THNSL1: variants seen among roughly 807,000 people sequenced by gnomAD.
The protein encoded by THNSL1 is threonine synthase like 1.
THNSL1 carries 48 observed loss-of-function variants against 50.4 expected under a neutral mutation model. The observed-to-expected ratio is 0.95, with a 90% confidence interval of 0.76 to 1.21. The LOEUF is 1.21. THNSL1 is among the 50% of genes most tolerant of loss of function. The probability of loss-of-function intolerance (pLI) is 0.00; values close to 1 mark genes in which losing one functional copy is unlikely to be tolerated. For missense variants in THNSL1, 896 were observed against 871.7 expected (o/e 1.03, Z -0.35); for synonymous variants, 309 against 306.1 (o/e 1.01, Z -0.10).
chr10:25,016,588 G>A (rs1564345749), upstream of THNSL1: 1 of 152,356 alleles, frequency 6.6e-6, no homozygotes, highest in Non-Finnish European at 1.5e-5. Flanking sequence ...CACGTGCCCT[G>A]CGCGAGGCCG....
chr10:25,023,292 T>TA lies in THNSL1; in HGVS notation c.73dup (p.Thr25AsnfsTer3). 6.2e-7 allele frequency: 1 copy of TA among 1,614,140 alleles called. No individual in the cohort carries two copies. The highest frequency in any genetic ancestry group is 8.5e-7 in the Non-Finnish European group (1 of 1,179,984). On this transcript the variant is annotated frameshift_variant, in exon 3 of 3. Coordinates refer to ENST00000376356, the MANE Select transcript of THNSL1 (RefSeq NM_024838.5). LOFTEE classifies it high-confidence loss of function. ...AGAAATGTTTTTCTAGTATACATGT[T>TA]AAAACGGATAAACATGCACAGCGAT...
chr10:24,997,512 A>G, the THNSL1 span, among the ~76,000 whole-genome samples: 2 of 151,162 alleles, frequency 1.3e-5, no homozygotes, highest in Non-Finnish European at 2.9e-5. Context: ...TGAGCCTCCC[A>G]TATAGCTGGG....
In THNSL1 at chr10:25,025,598, C is replaced by T; in HGVS notation, c.*143C>T. The T allele has an allele frequency of 1.3e-6, 1 of 793,660 alleles. No individual in the cohort carries two copies. The highest frequency in any genetic ancestry group is 2.0e-6 in the Non-Finnish European group (1 of 503,968). The allele number at this position is 793,660 out of a possible 1,614,324, so 49.2% of individuals were successfully genotyped here. A position where few individuals can be genotyped will look rare whatever the true frequency, so the allele number is the denominator to read the frequency against. On this transcript the variant is annotated 3_prime_UTR_variant, in exon 3 of 3. Transcript: ENST00000376356. ...AATTTCAAAAGTCTGATCTCTAGGG[C>T]TGACATGAGAACTCCATGTCACCTC...
At chr10:24,988,350 A>T in the THNSL1 span, among the ~76,000 whole-genome samples, 2 of 145,194 alleles carry the variant, frequency 1.4e-5, no homozygotes, top group Non-Finnish European at 3.0e-5. Flanking sequence ...ATATATATTT[A>T]TATATGTGTA....
the THNSL1 span, among the ~76,000 whole-genome samples, chr10:24,998,672 T>G: frequency 1.3e-5 from 2 of 152,148 alleles, no homozygotes; most frequent in Non-Finnish European, 2.9e-5. Context: ...CATACATACC[T>G]GTCACACATC....
chr10:24,984,138 C>G, the THNSL1 span: 1 of 423,446 alleles, frequency 2.4e-6, no homozygotes, highest in South Asian at 9.6e-5. Flanking sequence ...AAGTTGTCTT[C>G]TTAATTTTTC....
the THNSL1 span, chr10:24,990,537 G>A: frequency 8.7e-6 from 14 of 1,613,854 alleles, no homozygotes; most frequent in African/African-American, 4.0e-5. Context: ...TGGATATAAC[G>A]ATCATAGTCT....
chr10:25,014,805 G>A (rs1006658325), upstream of THNSL1, among the ~76,000 whole-genome samples: 6 of 152,136 alleles, frequency 3.9e-5, no homozygotes, highest in Non-Finnish European at 7.4e-5. Flanking sequence ...TACAGTTACT[G>A]CTCTAATTTA....
chr10:25,013,226 T>C (rs374738729), upstream of THNSL1, among the ~76,000 whole-genome samples: 17 of 152,326 alleles, frequency 1.1e-4, no homozygotes, highest in East Asian at 3.9e-4. Context: ...ATGTCTTTAT[T>C]AGCAGCGTGA....
the THNSL1 span, among the ~76,000 whole-genome samples, chr10:24,952,855 C>T: frequency 6.6e-6 from 1 of 151,698 alleles, no homozygotes; most frequent in Non-Finnish European, 1.5e-5. The surrounding 1 kb of genome is among the most constrained non-coding windows in gnomAD (Gnocchi z 5.1). Flanking sequence ...CGGACGCGTC[C>T]CTTGCGGCCG....
At chr10:24,981,936 G>C in the THNSL1 span, 6 of 152,242 alleles carry the variant, frequency 3.9e-5, no homozygotes, top group Non-Finnish European at 8.8e-5. Context: ...TATCCTCCAA[G>C]TCTGACTTAT....
chr10:25,016,139 T>A, upstream of THNSL1: 4 of 1,241,062 alleles, frequency 3.2e-6, 1 homozygote, highest in South Asian at 1.3e-4. Context: ...CTCTCCGGAT[T>A]GCTAAGCGTC....
At chr10:25,001,175 A>G in the THNSL1 span, among the ~76,000 whole-genome samples, 1 of 151,970 alleles carries the variant, frequency 6.6e-6, no homozygotes, top group African/African-American at 2.4e-5. Context: ...TATAAGTCCA[A>G]ATTTCTAACT....
chr10:24,965,401 G>A, the THNSL1 span, among the ~76,000 whole-genome samples: 1 of 152,098 alleles, frequency 6.6e-6, no homozygotes, highest in Admixed American at 6.6e-5. Context: ...TCATTGACTT[G>A]CCCAGCCCTG....
the THNSL1 span, among the ~76,000 whole-genome samples, chr10:24,997,630 C>A: frequency 0.01 from 1,527 of 152,088 alleles, 16 homozygotes; most frequent in African/African-American, 0.035. Context: ...CTAAAGCAGT[C>A]CTCCTGTCTT....
chr10:25,024,727 G>T lies in THNSL1; in HGVS notation c.1504G>T (p.Val502Phe). 6.2e-7 allele frequency: 1 copy of T among 1,614,198 alleles called. No homozygotes were observed. Among genetic ancestry groups the T allele is most frequent in the Non-Finnish European group, 8.5e-7 (1 of 1,180,038 alleles). ...SQGFISFGSP[V>F]DVCIPTGNFG... is the part of the protein sequence containing the mutation. ...AGGATTTATTTCTTTTGGAAGCCCA[G>T]TCGATGTCTGTATTCCCACAGGAAA... is the stretch of plus-strand genomic sequence containing the variant. The change falls in exon 3 of 3, where the codon GTC becomes TTC. Residue 502 changes from valine to phenylalanine, a missense_variant. Val to Phe is a conservative substitution (Grantham distance 50, BLOSUM62 -1). Coordinates refer to ENST00000376356, the MANE Select transcript of THNSL1 (RefSeq NM_024838.5).
At chr10:24,963,441 A>C in the THNSL1 span, among the ~76,000 whole-genome samples, 2 of 152,220 alleles carry the variant, frequency 1.3e-5, no homozygotes, top group African/African-American at 4.8e-5. Flanking sequence ...CCAATTGCCT[A>C]ATCAACTGGG....
the THNSL1 span, among the ~76,000 whole-genome samples, chr10:24,955,071 G>A: frequency 1.3e-5 from 2 of 152,200 alleles, no homozygotes; most frequent in African/African-American, 4.8e-5. Flanking sequence ...AGAAAGCAAG[G>A]CTGGGAGGCC....
rs1564350640 is a variant in THNSL1, at chr10:25,024,834, C to T, written c.1611C>T (p.Asn537=). 6.2e-7 allele frequency: 1 copy of T among 1,614,096 alleles called. No individual in the cohort carries two copies. The highest frequency in any genetic ancestry group is 2.2e-5 in the East Asian group (1 of 44,870). Reference sequence around the variant, plus strand: ...AATTTATCTGTGCCTCTAATCAGAACCATGTTTTGACTGATTTTATAAAAA... The same window carrying T: ...AATTTATCTGTGCCTCTAATCAGAATCATGTTTTGACTGATTTTATAAAAA... ...IRKFICASNQ[N]HVLTDFIKTG... is the part of the protein sequence containing the mutation. Residue 537 remains asparagine, a synonymous_variant, in exon 3 of 3, where the codon AAC becomes AAT. Coordinates refer to ENST00000376356, the MANE Select transcript of THNSL1 (RefSeq NM_024838.5).
Sources: allele counts gnomAD v4.1 joint callset (sites outside exome capture counted in the v4.1 genomes callset), GRCh38; gene constraint gnomAD v4.1.1; non-coding constraint Gnocchi (gnomAD v3.1); transcripts MANE v1.5; gene names NCBI Gene and HGNC (gene_info 2026-07-23, HGNC 2026-07-21).